Variants in CABIN1 observed in about 807,000 individuals in gnomAD.
CABIN1 encodes the protein calcineurin binding protein 1.
A neutral mutation model predicts 227.7 loss-of-function variants in CABIN1; 133 were observed. The ratio of observed to expected loss-of-function variants is 0.58; its 90% CI spans 0.51 to 0.67. The LOEUF (loss-of-function observed/expected upper bound fraction) is 0.67. CABIN1 is among the 30% of genes least tolerant of loss of function. CABIN1 has a pLI of 0.00. For missense variants in CABIN1, 2,408 were observed against 2,852.5 expected (o/e 0.84, Z 3.55); for synonymous variants, 1,086 against 1,155.1 (o/e 0.94, Z 1.21).
intron 14 of CABIN1, among the ~76,000 whole-genome samples, chr22:24,063,682 A>G (rs146413455): frequency 6.6e-6 from 1 of 152,276 alleles, no homozygotes; most frequent in East Asian, 1.9e-4. Flanking sequence ...CCTGTCAGCA[A>G]CCATTTAGTC....
intron 29 of CABIN1, among the ~76,000 whole-genome samples, chr22:24,145,942 C>G (rs2045085697): frequency 1.3e-5 from 2 of 152,230 alleles, no homozygotes; most frequent in South Asian, 4.1e-4. Context: ...ACATCCCACC[C>G]TGGCTGGTGA....
In CABIN1 at chr22:24,049,176, G is replaced by A. The variant is rs1388791240; in HGVS notation, c.612G>A (p.Glu204=). ...GLVLKEKIFE[E]QPCLRKDSLR... ...TCCTCAAGGAGAAGATTTTTGAGGA[G>A]CAGCCTTGTCTCCGGAAGGACTCTC... The change falls in exon 7 of 37, where the codon GAG becomes GAA. Residue 204 remains glutamate (E), a synonymous_variant. Coordinates refer to ENST00000263119, the MANE Select transcript of CABIN1 (RefSeq NM_012295.4). 1.9e-5 allele frequency: 30 copies of A among 1,613,934 alleles called. No homozygotes were observed. Among genetic ancestry groups the A allele is most frequent in the Non-Finnish European group, 2.5e-5 (29 of 1,179,986 alleles).
Position 24,060,018 on chromosome 22 carries a change from G to A in CABIN1, c.1494G>A (p.Lys498=), listed in dbSNP as rs2039076614. 1 of 1,614,236 alleles carries A rather than the reference G, an allele frequency of 6.2e-7. No individual in the cohort carries two copies. Among genetic ancestry groups the A allele is most frequent in the Non-Finnish European group, 8.5e-7 (1 of 1,180,034 alleles). ...GCTACCTGAAAGCCATGGGCCACAA[G>A]TTCTTGGTAAGGTGGCCTCCAGGCT... ...MMRYLKAMGH[K]FLVRWPPGLA... is the part of the protein sequence containing the mutation. The change falls in exon 12 of 37, where the codon AAG becomes AAA. Residue 498 remains lysine, a synonymous_variant. Transcript: ENST00000263119.
At chr22:24,018,181 G>A (rs2035442776) in intron 1 of CABIN1, among the ~76,000 whole-genome samples, 1 of 152,102 alleles carries the variant, frequency 6.6e-6, no homozygotes, top group Non-Finnish European at 1.5e-5. Flanking sequence ...AGAGCTGTTT[G>A]TATATTAGGG....
At position 24,178,453 on chromosome 22, in the gene CABIN1, G is replaced by A. The variant is rs563793739; in HGVS notation, c.*257G>A. 2.5e-5 allele frequency: 13 copies of A among 527,178 alleles called. No homozygotes were observed. The East Asian group carries it at 4.0e-4, about 16-fold the overall frequency. 32.7% of individuals were successfully genotyped at this position (527,178 alleles called of 1,614,324 possible). A position where few individuals can be genotyped will look rare whatever the true frequency, so the allele number is the denominator to read the frequency against. ...TTGGTCGCCATCTGCACGCCAGGCG[G>A]CATCCTTTTCTATGAAGTGTTGACT... is the stretch of plus-strand genomic sequence containing the variant. On this transcript the variant is annotated 3_prime_UTR_variant, in exon 37 of 37. Transcript: ENST00000263119.
At chr22:24,096,994 G>A (rs2041932236) in intron 25 of CABIN1, among the ~76,000 whole-genome samples, 1 of 152,236 alleles carries the variant, frequency 6.6e-6, no homozygotes, top group Non-Finnish European at 1.5e-5. Flanking sequence ...CCTGTGTGAT[G>A]TTCACCACAG....
chr22:24,052,921 T>C (rs2038463689), intron 8 of CABIN1, among the ~76,000 whole-genome samples: 1 of 152,108 alleles, frequency 6.6e-6, no homozygotes, highest in African/African-American at 2.4e-5. Flanking sequence ...TTAAGGCATT[T>C]GACACAACCC....
At chr22:24,078,954 A>G (rs1424020987) in intron 19 of CABIN1, among the ~76,000 whole-genome samples, 1 of 134,240 alleles carries the variant, frequency 7.4e-6, no homozygotes, top group East Asian at 2.4e-4. Flanking sequence ...TACATACTAA[A>G]TATATAGTAT....
intron 6 of CABIN1, among the ~76,000 whole-genome samples, chr22:24,048,204 A>G (rs2038045237): frequency 6.6e-6 from 1 of 152,194 alleles, no homozygotes; most frequent in South Asian, 2.1e-4. Flanking sequence ...ATTGGAAAAT[A>G]CAGGTAAACA....
At chr22:24,032,193 T>C (rs1347208932) in intron 1 of CABIN1, among the ~76,000 whole-genome samples, 1 of 152,274 alleles carries the variant, frequency 6.6e-6, no homozygotes, top group East Asian at 1.9e-4. Flanking sequence ...TTTCTGTCTG[T>C]ATGAATTTTC....
At chr22:24,147,611 G>C (rs1318736187) in intron 29 of CABIN1, among the ~76,000 whole-genome samples, 9 of 151,686 alleles carry the variant, frequency 5.9e-5, no homozygotes, top group African/African-American at 2.2e-4. Flanking sequence ...ACCACACCCA[G>C]CGCACATCTT....
intron 28 of CABIN1, among the ~76,000 whole-genome samples, chr22:24,130,559 A>G (rs1192805732): frequency 6.6e-6 from 1 of 152,180 alleles, no homozygotes; most frequent in Admixed American, 6.5e-5. Flanking sequence ...ACGAAGCTAC[A>G]GGGCAGGTTC....
intron 23 of CABIN1, 65 bp downstream of exon 23, chr22:24,087,778 A>G: frequency 1.2e-5 from 19 of 1,595,402 alleles, no homozygotes; most frequent in South Asian, 4.4e-5. Flanking sequence ...CCTCAGGTCA[A>G]CGAAGCTCTG....
chr22:24,122,069 A>G (rs905157519), intron 28 of CABIN1, among the ~76,000 whole-genome samples: 130 of 32,730 alleles, frequency 4.0e-3, no homozygotes, highest in African/African-American at 0.013. Context: ...CCCACCCTCC[A>G]CTTCCCTGCT....
At chr22:24,068,426 A>G (rs3827321) in intron 16 of CABIN1, among the ~76,000 whole-genome samples, 17,099 of 152,268 alleles carry the variant, frequency 0.11, 1,091 homozygotes, top group East Asian at 0.16. Context: ...GATGGCCTCA[A>G]TGCTCAGATG....
intron 7 of CABIN1, among the ~76,000 whole-genome samples, chr22:24,050,544 T>G (rs1443810568): frequency 3.3e-5 from 5 of 152,222 alleles, no homozygotes; most frequent in African/African-American, 1.2e-4. Context: ...TTCTGTGGCT[T>G]TTCAGATATT....
At chr22:24,108,296 G>A (rs2042626596) in intron 26 of CABIN1, among the ~76,000 whole-genome samples, 2 of 152,204 alleles carry the variant, frequency 1.3e-5, no homozygotes, top group Admixed American at 6.5e-5. Context: ...GGCCTCTAGA[G>A]GGTCCCCATT....
chr22:24,121,607 T>C (rs1050701708), intron 28 of CABIN1, among the ~76,000 whole-genome samples: 1 of 152,202 alleles, frequency 6.6e-6, no homozygotes, highest in African/African-American at 2.4e-5. Flanking sequence ...CCAACCAGCA[T>C]GTCCTCACTG....
intron 1 of CABIN1, among the ~76,000 whole-genome samples, chr22:24,028,228 C>A (rs997726805): frequency 1.3e-5 from 2 of 152,162 alleles, no homozygotes; most frequent in Non-Finnish European, 2.9e-5. Context: ...ATGACACTTA[C>A]CAACTTTCTT....
Sources: allele counts gnomAD v4.1 joint callset (sites outside exome capture counted in the v4.1 genomes callset), GRCh38; gene constraint gnomAD v4.1.1; transcripts MANE v1.5; gene names NCBI Gene and HGNC (gene_info 2026-07-23, HGNC 2026-07-21).